FAM20B: variants seen among roughly 807,000 people sequenced by gnomAD.
FAM20B encodes the protein glycosaminoglycan xylosylkinase.
A neutral mutation model predicts 43.8 loss-of-function variants in FAM20B; 23 were observed. That is an observed-to-expected ratio of 0.53 (90% CI 0.38 to 0.74). The LOEUF (loss-of-function observed/expected upper bound fraction) is 0.74, where lower values mean the gene tolerates loss of function less well. Ranked by LOEUF, FAM20B falls within the 30% of genes least tolerant of loss-of-function variation. The pLI is 0.00. For synonymous variants in FAM20B, 178 were observed against 192.4 expected (o/e 0.93, Z 0.62); for missense variants, 440 against 510.5 (o/e 0.86, Z 1.33).
chr1:179,025,390 G>C (rs907905639), upstream of FAM20B, among the ~76,000 whole-genome samples: 1 of 152,224 alleles, frequency 6.6e-6, no homozygotes, highest in Non-Finnish European at 1.5e-5. Flanking sequence ...GGAAAGGCTA[G>C]CCTTTTTCTG....
chr1:179,035,591 A>T (rs1008953630), intron 1 of FAM20B: 4 of 567,368 alleles, frequency 7.1e-6, no homozygotes, highest in Non-Finnish European at 9.8e-6. Flanking sequence ...TCATGCAGCG[A>T]ATGGCTGCAC....
chr1:179,072,351 C>T lies in FAM20B; in HGVS notation c.*207C>T, dbSNP rs1026467158. 2.6e-4 allele frequency: 146 copies of T among 566,018 alleles called. No homozygotes were observed. In the East Asian group the frequency reaches 3.8e-3, roughly 15 times the overall value. The allele number at this position is 566,018 out of a possible 1,614,324, so 35.1% of individuals were successfully genotyped here. On this transcript the variant is annotated 3_prime_UTR_variant, in exon 8 of 8. Coordinates refer to ENST00000263733, the MANE Select transcript of FAM20B (RefSeq NM_014864.4). ...GAGCATGGAGACATTCCTGCTGAAT[C>T]GCCTTCTCACCTCCTCGGCAATTGC...
chr1:179,053,443 C>CGAAA (rs148408899), intron 3 of FAM20B, among the ~76,000 whole-genome samples: 13 of 150,928 alleles, frequency 8.6e-5, no homozygotes, highest in East Asian at 5.9e-4. Flanking sequence ...AACCAACCAC[C>CGAAA]CAAACAAACA....
At chr1:179,041,736 A>ACAGGAGAC (rs1372735266) in intron 1 of FAM20B, among the ~76,000 whole-genome samples, 1 of 140,752 alleles carries the variant, frequency 7.1e-6, no homozygotes, top group African/African-American at 2.9e-5. Flanking sequence ...GGGCCGGGAG[A>ACAGGAGAC]GGGAGACGGG....
the FAM20B span, among the ~76,000 whole-genome samples, chr1:179,019,754 G>T: frequency 1.3e-5 from 2 of 152,110 alleles, no homozygotes; most frequent in Middle Eastern, 3.2e-3. Flanking sequence ...GGGCCACTGC[G>T]CCTGGCCGAG....
At chr1:179,029,521 C>T (rs1345818007) in intron 1 of FAM20B, among the ~76,000 whole-genome samples, 4 of 152,140 alleles carry the variant, frequency 2.6e-5, no homozygotes, top group Admixed American at 6.6e-5. Context: ...CAGATGGGTG[C>T]GTCTGTCATC....
At chr1:179,025,194 A>ACGGT, upstream of FAM20B, among the ~76,000 whole-genome samples, 1 of 152,328 alleles carries the variant, frequency 6.6e-6, no homozygotes. Flanking sequence ...TGGGTGCACT[A>ACGGT]CGGTCGGGCA....
chr1:179,019,635 G>C, the FAM20B span, among the ~76,000 whole-genome samples: 1 of 151,798 alleles, frequency 6.6e-6, no homozygotes, highest in African/African-American at 2.4e-5. Flanking sequence ...GCTAATTTTG[G>C]ATTTTTAGTA....
chr1:179,067,168 AAGG>A (rs1389833122), intron 7 of FAM20B, among the ~76,000 whole-genome samples: 1 of 152,136 alleles, frequency 6.6e-6, no homozygotes, highest in Admixed American at 6.6e-5. Context: ...AAAAAAAAAA[AAGG>A]AGTAAAATCT....
chr1:179,021,189 C>T (rs893785349), upstream of FAM20B, among the ~76,000 whole-genome samples: 3 of 152,184 alleles, frequency 2.0e-5, no homozygotes, highest in African/African-American at 2.4e-5. Context: ...CATTATCCAT[C>T]GATGGTAGAA....
intron 1 of FAM20B, among the ~76,000 whole-genome samples, chr1:179,033,345 G>A (rs1650086277): frequency 6.6e-6 from 1 of 152,104 alleles, no homozygotes; most frequent in South Asian, 2.1e-4. Context: ...TGTTAATTAT[G>A]TATCTTTCTA....
In FAM20B at chr1:179,044,077, A is replaced by G; in HGVS notation, c.230A>G (p.Tyr77Cys). Residue 77 changes from tyrosine (Y) to cysteine (C), a missense_variant, in exon 2 of 8, where the codon TAC (tyrosine) becomes TGC (cysteine). Transcript: ENST00000263733. ...AAQWVVPREV[Y>C]PEETPELGAV... Reference sequence around the variant, plus strand: ...CAGTGGGTGGTTCCCCGGGAAGTGTACCCTGAAGAGACACCAGAGCTGGGG... The same window carrying G: ...CAGTGGGTGGTTCCCCGGGAAGTGTGCCCTGAAGAGACACCAGAGCTGGGG... 1 of 1,614,076 alleles carries G rather than the reference A, an allele frequency of 6.2e-7. No individual in the cohort carries two copies. Among genetic ancestry groups the G allele is most frequent in the Non-Finnish European group, 8.5e-7 (1 of 1,180,026 alleles).
intron 4 of FAM20B, among the ~76,000 whole-genome samples, chr1:179,060,220 G>A (rs759451430): frequency 2.6e-5 from 4 of 152,032 alleles, no homozygotes; most frequent in Non-Finnish European, 5.9e-5. Flanking sequence ...GAGCTTCATT[G>A]TTTTGTTGTT....
intron 2 of FAM20B, among the ~76,000 whole-genome samples, chr1:179,047,358 C>G (rs1650815427): frequency 2.0e-5 from 3 of 152,214 alleles, no homozygotes. Context: ...TGTTCCCCAG[C>G]TTTAAAACAT....
At chr1:179,057,752 C>G (rs753686117) in intron 4 of FAM20B, among the ~76,000 whole-genome samples, 3 of 148,318 alleles carry the variant, frequency 2.0e-5, no homozygotes, top group Non-Finnish European at 4.4e-5. Flanking sequence ...ATATGCAAAA[C>G]TGAATGACCT....
intron 1 of FAM20B, among the ~76,000 whole-genome samples, chr1:179,033,748 A>T (rs1331795494): frequency 1.3e-5 from 2 of 151,866 alleles, no homozygotes; most frequent in African/African-American, 4.8e-5. Context: ...GCTGGAGTGT[A>T]GTGGCGTGAT....
intron 1 of FAM20B, among the ~76,000 whole-genome samples, chr1:179,038,828 T>C (rs1156445441): frequency 1.3e-5 from 2 of 152,222 alleles, no homozygotes; most frequent in East Asian, 1.9e-4. Flanking sequence ...TTGTGTACCC[T>C]GGGAGATGAT....
Position 179,063,910 on chromosome 1 carries a change from TC to T in FAM20B, c.575-15del. 6.3e-7 allele frequency: 1 copy of T among 1,581,306 alleles called. No individual in the cohort carries two copies. Among genetic ancestry groups the T allele is most frequent in the Non-Finnish European group, 8.6e-7 (1 of 1,159,782 alleles). On this transcript the variant is annotated splice_polypyrimidine_tract_variant and intron_variant, in intron 4 of 7. Coordinates refer to ENST00000263733, the MANE Select transcript of FAM20B (RefSeq NM_014864.4). ...CGTTATTTCCTTAAGTGTATTTGGCTCCTTTCTGTCCTTTAGGAAACAATAC... is the reference window on the plus strand; with the variant it reads ...CGTTATTTCCTTAAGTGTATTTGGCTCTTTCTGTCCTTTAGGAAACAATAC...
chr1:179,025,374 C>T (rs1233425357), upstream of FAM20B, among the ~76,000 whole-genome samples: 1 of 152,190 alleles, frequency 6.6e-6, no homozygotes, highest in Non-Finnish European at 1.5e-5. Flanking sequence ...CATTTGCACT[C>T]AGTGTGGAAA....
Sources: allele counts gnomAD v4.1 joint callset (sites outside exome capture counted in the v4.1 genomes callset), GRCh38; gene constraint gnomAD v4.1.1; transcripts MANE v1.5; gene names NCBI Gene and HGNC (gene_info 2026-07-23, HGNC 2026-07-21).